The following UMAD1 variants were observed in gnomAD, a reference collection of about 807,000 sequenced individuals.
The protein encoded by UMAD1 is UBAP1-MVB12-associated (UMA)-domain containing protein 1.
In UMAD1, 8 loss-of-function variants were observed where a neutral mutation model predicts 6.1. The ratio of observed to expected loss-of-function variants is 1.30; its 90% CI spans 0.76 to 2.35. The LOEUF is 2.35. Ranked by LOEUF, UMAD1 falls within the 30% of genes most tolerant of loss-of-function variation. UMAD1 has a pLI of 0.00. For missense variants in UMAD1, 130 were observed against 78.4 expected (o/e 1.66, Z -2.49); for synonymous variants, 56 against 31.4 (o/e 1.78, Z -2.61).
At chr7:7,765,183 C>T (rs974110258) in intron 2 of UMAD1, among the ~76,000 whole-genome samples, 4 of 152,086 alleles carry the variant, frequency 2.6e-5, no homozygotes, top group Admixed American at 2.6e-4. Flanking sequence ...CAAGTTCCTT[C>T]ACTCATATCT....
chr7:7,757,261 A>G (rs1781796554), intron 2 of UMAD1, among the ~76,000 whole-genome samples: 1 of 152,180 alleles, frequency 6.6e-6, no homozygotes, highest in Admixed American at 6.5e-5. Flanking sequence ...TTTTCACACT[A>G]TGAGGTATCC....
intron 2 of UMAD1, among the ~76,000 whole-genome samples, chr7:7,773,285 C>A (rs1166907814): frequency 1.3e-5 from 2 of 152,140 alleles, no homozygotes; most frequent in Non-Finnish European, 2.9e-5. Context: ...TCTTTAAAAA[C>A]TGTTAGGGTA....
At chr7:7,768,472 C>T (rs570677935) in intron 2 of UMAD1, among the ~76,000 whole-genome samples, 5 of 152,258 alleles carry the variant, frequency 3.3e-5, no homozygotes, top group Non-Finnish European at 5.9e-5. Flanking sequence ...TTTGCTTCCT[C>T]GGACCATGTT....
intron 2 of UMAD1, among the ~76,000 whole-genome samples, chr7:7,720,536 C>G (rs1192734408): frequency 6.6e-6 from 1 of 152,032 alleles, no homozygotes; most frequent in East Asian, 1.9e-4. Flanking sequence ...TACTATAGTG[C>G]TGACTAGTAA....
chr7:7,854,522 C>T lies in UMAD1; in HGVS notation c.157-22759C>T, dbSNP rs554748300. On this transcript the variant is annotated intron_variant, in intron 3 of 3. Coordinates refer to ENST00000682710, the MANE Select transcript of UMAD1 (RefSeq NM_001302348.2). ...GGGAAATGCCGGACGCATATAAAAC[C>T]ATCAGATCTTGTGAGAACTCACTAT... Among the ~76,000 whole-genome samples the T allele has an allele frequency of 3.3e-5, 5 of 152,090 alleles. No homozygotes were observed. The South Asian group carries it at 1.0e-3, about 32-fold the overall frequency.
At chr7:7,672,540 G>C (rs533366862) in intron 1 of UMAD1, among the ~76,000 whole-genome samples, 1 of 152,112 alleles carries the variant, frequency 6.6e-6, no homozygotes. Flanking sequence ...CCCATGTGTC[G>C]AGGGCAGGAC....
intron 2 of UMAD1, among the ~76,000 whole-genome samples, chr7:7,719,308 G>C (rs951670019): frequency 6.6e-6 from 1 of 152,158 alleles, no homozygotes; most frequent in African/African-American, 2.4e-5. Flanking sequence ...GCTACAAATG[G>C]AAAGATTAAA....
chr7:7,831,956 C>A (rs1783475469), intron 3 of UMAD1, among the ~76,000 whole-genome samples: 1 of 152,128 alleles, frequency 6.6e-6, no homozygotes, highest in African/African-American at 2.4e-5. Flanking sequence ...TTTGAAGATA[C>A]AATTAGCCAA....
At position 7,644,810 on chromosome 7, in the gene UMAD1, T is replaced by C. The variant is rs1441870629; in HGVS notation, c.-64+3989T>C. On this transcript the variant is annotated intron_variant, in intron 1 of 3. Transcript: ENST00000682710. ...GGAATGTCTTGGTTATTTTTGTCTC[T>C]TTGCTCTTCTGTATAGAATGTAGCT... Among the ~76,000 whole-genome samples, 3 of 152,198 alleles carry C rather than the reference T, an allele frequency of 2.0e-5. No homozygotes were observed. The East Asian group carries it at 5.8e-4, about 29-fold the overall frequency.
In UMAD1 at chr7:7,872,384, A is replaced by G. The variant is rs556534958; in HGVS notation, c.157-4897A>G. On this transcript the variant is annotated intron_variant, in intron 3 of 3. Transcript: ENST00000682710. ...CAGGGAAGTCTGAGGAGAGGCAGAT[A>G]GGGGAATGGCCAACTAGTTGGTGGA... 3.9e-5 allele frequency among the ~76,000 whole-genome samples: 6 copies of G among 152,342 alleles called. No homozygotes were observed. The East Asian group carries it at 1.2e-3, about 29-fold the overall frequency.
At chr7:7,682,670 G>C (rs1005207708) in intron 2 of UMAD1, among the ~76,000 whole-genome samples, 1 of 152,116 alleles carries the variant, frequency 6.6e-6, no homozygotes, top group East Asian at 1.9e-4. Flanking sequence ...ATGTATACCA[G>C]ATCTTTAAAA....
intron 3 of UMAD1, among the ~76,000 whole-genome samples, chr7:7,863,866 A>G (rs1360646733): frequency 1.3e-5 from 2 of 152,192 alleles, no homozygotes; most frequent in African/African-American, 4.8e-5. Flanking sequence ...TCCCCAGTCC[A>G]AGTAGAGAGA....
intron 3 of UMAD1, among the ~76,000 whole-genome samples, chr7:7,840,826 A>T (rs1290049600): frequency 6.6e-6 from 1 of 152,180 alleles, no homozygotes. Flanking sequence ...TTTGGCAAAA[A>T]AGCTAGAAGT....
intron 2 of UMAD1, among the ~76,000 whole-genome samples, chr7:7,731,634 G>T (rs913030257): frequency 2.0e-5 from 3 of 152,150 alleles, no homozygotes; most frequent in South Asian, 2.1e-4. Flanking sequence ...CTGCTAAATT[G>T]CCTATTTGTT....
At chr7:7,808,029 G>A (rs1341827807) in intron 3 of UMAD1, among the ~76,000 whole-genome samples, 1 of 152,002 alleles carries the variant, frequency 6.6e-6, no homozygotes, top group Non-Finnish European at 1.5e-5. Flanking sequence ...TGTTTTAAGA[G>A]TCATTTGTAA....
intron 1 of UMAD1, among the ~76,000 whole-genome samples, chr7:7,668,969 ACATAG>A (rs1779537996): frequency 6.6e-6 from 1 of 152,178 alleles, no homozygotes; most frequent in Admixed American, 6.5e-5. Flanking sequence ...CACCTAATGG[ACATAG>A]CTTTGGGATG....
chr7:7,787,161 A>G lies in UMAD1; in HGVS notation c.83-14509A>G, dbSNP rs200533180. On this transcript the variant is annotated intron_variant, in intron 2 of 3. Coordinates refer to ENST00000682710, the MANE Select transcript of UMAD1 (RefSeq NM_001302348.2). ...ATATATGATGGGGATTTAATGAAGT[A>G]GGTCTAATTTCAAGAATATCTAATT... Among the ~76,000 whole-genome samples, 12 of 152,342 alleles carry G rather than the reference A, an allele frequency of 7.9e-5. No homozygotes were observed. The East Asian group carries it at 2.3e-3, about 29-fold the overall frequency.
intron 2 of UMAD1, among the ~76,000 whole-genome samples, chr7:7,799,676 T>G (rs1038448001): frequency 6.6e-6 from 1 of 152,216 alleles, no homozygotes; most frequent in African/African-American, 2.4e-5. Flanking sequence ...TACAGACATT[T>G]GTATCACCTT....
At chr7:7,703,515 T>G (rs1028834622) in intron 2 of UMAD1, among the ~76,000 whole-genome samples, 2 of 152,234 alleles carry the variant, frequency 1.3e-5, no homozygotes, top group African/African-American at 4.8e-5. Context: ...ATAAACATCT[T>G]TTTGTAACCT....
Sources: gnomAD v4.1 joint callset for allele counts (sites outside exome capture counted in the v4.1 genomes callset) on GRCh38, gnomAD v4.1.1 for gene constraint, MANE v1.5 for transcripts, NCBI Gene and HGNC (gene_info 2026-07-23, HGNC 2026-07-21) for gene names.